PARVG: variants seen among roughly 807,000 people sequenced by gnomAD.
PARVG encodes parvin gamma.
PARVG carries 36 observed loss-of-function variants against 44.4 expected under a neutral mutation model. The observed-to-expected ratio is 0.81, with a 90% CI of 0.62 to 1.07. The LOEUF (loss-of-function observed/expected upper bound fraction) is 1.07, where lower values mean the gene tolerates loss of function less well. Ranked by LOEUF, PARVG falls within the 50% of genes least tolerant of loss-of-function variation. The probability of loss-of-function intolerance (pLI) is 0.00; values close to 1 mark genes in which losing one functional copy is unlikely to be tolerated. For synonymous variants in PARVG, 170 were observed against 174.1 expected, an observed-to-expected ratio of 0.98 and a Z score of 0.19; for missense variants, 407 against 407.4, an observed-to-expected ratio of 1.00 and a Z score of 0.01.
At chr22:44,189,372 C>A (rs2147226175) in intron 6 of PARVG, 118 bp downstream of exon 6, 1 of 1,450,192 alleles carries the variant, frequency 6.9e-7, no homozygotes, top group Admixed American at 2.2e-5. Context: ...GGGGTACAAC[C>A]TGGGAGTCAG....
At position 44,182,284 on chromosome 22, in the gene PARVG, G is replaced by A. The variant is rs748063662; in HGVS notation, c.-13+367G>A. Reference sequence around the variant, plus strand: ...CCATGCATCAGGACCAGAGAGGGCAGGGGGTTTGCCCAACGTCACACAGCC... The same window carrying A: ...CCATGCATCAGGACCAGAGAGGGCAAGGGGTTTGCCCAACGTCACACAGCC... On this transcript the variant is annotated intron_variant, in intron 2 of 13. Transcript: ENST00000444313. The surrounding 1 kb of genome is among the most constrained non-coding windows in gnomAD (Gnocchi z 4.6). Among the ~76,000 whole-genome samples, 19 of 152,220 alleles carry A rather than the reference G, an allele frequency of 1.2e-4. No individual in the cohort carries two copies. The highest frequency in any genetic ancestry group is 5.2e-4 in the Admixed American group (8 of 15,286).
intron 7 of PARVG, among the ~76,000 whole-genome samples, chr22:44,191,329 C>T (rs538576172): frequency 1.3e-5 from 2 of 151,726 alleles, no homozygotes; most frequent in African/African-American, 4.8e-5. Flanking sequence ...GAGGGCTTGC[C>T]TCTGACTCGC....
chr22:44,181,277 G>A (rs1367444536), intron 1 of PARVG, 92 bp downstream of exon 1: 2 of 933,854 alleles, frequency 2.1e-6, no homozygotes, highest in African/African-American at 1.8e-5. Context: ...TGAGTGAGTG[G>A]GGTCAGGAAG....
At chr22:44,205,449 C>T (rs542908206) in intron 12 of PARVG, among the ~76,000 whole-genome samples, 1 of 152,334 alleles carries the variant, frequency 6.6e-6, no homozygotes, top group South Asian at 2.1e-4. Context: ...TCCTCCTTGG[C>T]GATTGCCTTT....
chr22:44,192,951 C>G (rs536194401), intron 8 of PARVG, among the ~76,000 whole-genome samples: 3 of 152,320 alleles, frequency 2.0e-5, no homozygotes, highest in Admixed American at 6.5e-5. Flanking sequence ...CTCACGATCT[C>G]TCACAGGGAT....
rs185570282 is a variant in PARVG at position 44,189,870 on chromosome 22, T to A, written c.388+616T>A. Among the ~76,000 whole-genome samples the A allele has an allele frequency of 2.4e-4, 36 of 152,248 alleles. No homozygotes were observed. In the East Asian group the frequency reaches 6.8e-3, roughly 29 times the overall value. ...AGGCAGAGGTTGCAGTGAGCCCAGA[T>A]TGCACCACTTCACTCCAGTCTGGGC... is the stretch of plus-strand genomic sequence containing the variant. On this transcript the variant is annotated intron_variant, in intron 6 of 13. Coordinates refer to ENST00000444313, the MANE Select transcript of PARVG (RefSeq NM_022141.7).
rs1346762692 is a variant in PARVG, at chr22:44,198,637, T to A, written c.728T>A (p.Ile243Asn). 6.2e-6 allele frequency: 10 copies of A among 1,613,572 alleles called. No homozygotes were observed. Among genetic ancestry groups the A allele is most frequent in the African/African-American group, 2.7e-5 (2 of 74,912 alleles). Residue 243 changes from isoleucine to asparagine, a missense_variant, in exon 12 of 14, where the codon ATC (isoleucine) becomes AAC (asparagine). Transcript: ENST00000444313. ...NLDTQFADGV[I>N]LLLLIGQLEG... Reference sequence around the variant, plus strand: ...CCTTTGTAGTTTGCAGATGGGGTCATCTTACTCTTGCTGATTGGACAACTT... The same window carrying A: ...CCTTTGTAGTTTGCAGATGGGGTCAACTTACTCTTGCTGATTGGACAACTT...
intron 1 of PARVG, among the ~76,000 whole-genome samples, chr22:44,175,313 G>A (rs1252895308): frequency 6.6e-6 from 1 of 152,160 alleles, no homozygotes; most frequent in Middle Eastern, 3.2e-3. Flanking sequence ...ACATTGCACG[G>A]CCACTTGCCC....
At chr22:44,179,127 GA>G (rs139121), upstream of PARVG, among the ~76,000 whole-genome samples, 106,341 of 149,382 alleles carry the variant, frequency 0.71, 38,455 homozygotes, top group African/African-American at 0.85. The surrounding 1 kb of genome is among the most constrained non-coding windows in gnomAD (Gnocchi z 4.2). Context: ...CCGTGTCTCT[GA>G]AAAAAAAAAA....
Position 44,185,837 on chromosome 22 carries a change from TC to T in PARVG, c.112del (p.Arg38GlyfsTer13). ...AAAGAAGAAATACCTGCCACCCACT[TC>T]CCGGAAGGACCCCAAATTTGAAGAA... Reference protein sequence around the residue: ...GGKKKYLPPTSRKDPKFEELQ... With the variant: ...GGKKKYLPPTXRKDPKFEELQ... On this transcript the variant is annotated frameshift_variant, in exon 4 of 14. Coordinates refer to ENST00000444313, the MANE Select transcript of PARVG (RefSeq NM_022141.7). LOFTEE classifies it high-confidence loss of function. 1 of 1,613,714 alleles carries T rather than the reference TC, an allele frequency of 6.2e-7. No homozygotes were observed. Among genetic ancestry groups the T allele is most frequent in the Non-Finnish European group, 8.5e-7 (1 of 1,179,782 alleles).
At chr22:44,205,554 G>A (rs997708695) in intron 12 of PARVG, among the ~76,000 whole-genome samples, 2 of 152,212 alleles carry the variant, frequency 1.3e-5, no homozygotes, top group African/African-American at 2.4e-5. Context: ...AATGAGACAT[G>A]GATTGCTTGT....
chr22:44,186,261 C>T (rs577345832), intron 4 of PARVG: 91 of 316,588 alleles, frequency 2.9e-4, no homozygotes, highest in Admixed American at 2.4e-3. Context: ...AGCCCGTGCT[C>T]CTCCCCAGCT....
At chr22:44,178,297 G>A (rs764586405), upstream of PARVG, among the ~76,000 whole-genome samples, 1 of 152,142 alleles carries the variant, frequency 6.6e-6, no homozygotes, top group Non-Finnish European at 1.5e-5. Flanking sequence ...CCAAGAAAAG[G>A]GTGGCAAGTG....
intron 4 of PARVG, chr22:44,186,688 A>G (rs760641899): frequency 2.1e-6 from 1 of 470,354 alleles, no homozygotes. Context: ...CCACAGGCTG[A>G]TCCAGAGACA....
Position 44,187,827 on chromosome 22 carries a change from C to T in PARVG, c.196C>T (p.Arg66Cys), listed in dbSNP as rs752515984. 8.1e-6 allele frequency: 13 copies of T among 1,614,244 alleles called. No homozygotes were observed. The highest frequency in any genetic ancestry group is 1.7e-5 in the Admixed American group (1 of 60,034). The change falls in exon 5 of 14, where the codon CGC becomes TGC. Residue 66 changes from arginine (R) to cysteine (C), a missense_variant. Coordinates refer to ENST00000444313, the MANE Select transcript of PARVG (RefSeq NM_022141.7). ...TCTTCTCCCCGAGCACATTGTGGTCCGCAGCCTGGAGGAGGACATGTTCGA... is the reference window on the plus strand; with the variant it reads ...TCTTCTCCCCGAGCACATTGTGGTCTGCAGCCTGGAGGAGGACATGTTCGA... ...ATLLPEHIVV[R>C]SLEEDMFDGL...
chr22:44,175,192 G>GA (rs1262227314), intron 1 of PARVG, among the ~76,000 whole-genome samples: 15 of 152,206 alleles, frequency 9.9e-5, no homozygotes, highest in Non-Finnish European at 2.1e-4. Flanking sequence ...CATGTCCCCA[G>GA]AAAGGCCCCC....
intron 7 of PARVG, 126 bp downstream of exon 7, chr22:44,190,792 A>G: frequency 2.5e-6 from 2 of 785,498 alleles, no homozygotes; most frequent in East Asian, 2.7e-5. Flanking sequence ...GGGAACCCTG[A>G]GAAATAGAAT....
chr22:44,190,675 C>A lies in PARVG; in HGVS notation c.504+9C>A, dbSNP rs976935366. On this transcript the variant is annotated intron_variant, in intron 7 of 13. Transcript: ENST00000444313. The stretch of plus-strand genomic sequence containing the variant: ...AGGTCATCACTATCGAGGTAGCAGC[C>A]TGGGCCCCAGGGATTTGTAAGCAGA... 6.3e-6 allele frequency: 10 copies of A among 1,598,816 alleles called. No individual in the cohort carries two copies. The African/African-American group carries it at 9.4e-5, about 15-fold the overall frequency.
chr22:44,180,498 A>G (rs1474793588), upstream of PARVG, among the ~76,000 whole-genome samples: 1 of 152,124 alleles, frequency 6.6e-6, no homozygotes. Flanking sequence ...AGCCTGCTAC[A>G]CACGCCCCAG....
Sources: allele counts gnomAD v4.1 joint callset (sites outside exome capture counted in the v4.1 genomes callset), GRCh38; gene constraint gnomAD v4.1.1; non-coding constraint Gnocchi (gnomAD v3.1); transcripts MANE v1.5; gene names NCBI Gene and HGNC (gene_info 2026-07-23, HGNC 2026-07-21).